Variants in VWDE observed in about 807,000 individuals in gnomAD.
The protein encoded by VWDE is von Willebrand factor D and EGF domains.
In VWDE, 207 loss-of-function variants were observed where a neutral mutation model predicts 178.4. The ratio of observed to expected loss-of-function variants is 1.16; its 90% CI spans 1.04 to 1.30. The LOEUF is 1.30. VWDE is among the 50% of genes most tolerant of loss of function. The pLI is 0.00. For synonymous variants in VWDE, 738 were observed against 651.4 expected (o/e 1.13, Z -2.02); for missense variants, 2,287 against 1,901.3 (o/e 1.20, Z -3.77).
Position 12,403,657 on chromosome 7 carries a change from A to G in VWDE, c.58+2T>C, listed in dbSNP as rs1443286049. The G allele has an allele frequency of 6.5e-7, 1 of 1,542,796 alleles. No individual in the cohort carries two copies. The stretch of plus-strand genomic sequence containing the variant: ...CACCCCCGCGCGCCCTACCTCGCTT[A>G]CCTTCCCCCCAGGCCAGGAACATCA... On this transcript the variant is annotated splice_donor_variant, in intron 1 of 28. Transcript: ENST00000275358. LOFTEE classifies it high-confidence loss of function.
intron 3 of VWDE, among the ~76,000 whole-genome samples, chr7:12,388,256 A>G (rs1784203418): frequency 6.6e-6 from 1 of 152,158 alleles, no homozygotes; most frequent in Non-Finnish European, 1.5e-5. Flanking sequence ...GAGTACTACA[A>G]AAGAGAAGTG....
chr7:12,336,009 A>T (rs1011656221), intron 27 of VWDE, 132 bp downstream of exon 27: 2 of 747,456 alleles, frequency 2.7e-6, no homozygotes, highest in Middle Eastern at 3.3e-4. Context: ...TTATATCTAA[A>T]ATCATTTTTT....
At position 12,344,409 on chromosome 7, in the gene VWDE, C is replaced by T. The variant is rs1781494186; in HGVS notation, c.3947G>A (p.Cys1316Tyr). 4 of 1,550,852 alleles carry T rather than the reference C, an allele frequency of 2.6e-6. No individual in the cohort carries two copies. In the South Asian group the frequency reaches 3.6e-5, roughly 14 times the overall value. ...GTTAGAACCAATGTAACCAGGTTTA[C>T]ATTTGCAGATGTTTGGGGCAACACA... is the stretch of plus-strand genomic sequence containing the variant. ...RECVAPNICK[C>Y]KPGYIGSNCQ... Residue 1316 changes from cysteine to tyrosine, a missense_variant, in exon 20 of 29, where the codon TGT becomes TAT. By Grantham distance (194) the Cys-to-Tyr change is radical. Transcript: ENST00000275358.
intron 1 of VWDE, among the ~76,000 whole-genome samples, chr7:12,398,784 A>C (rs1264566399): frequency 6.6e-6 from 1 of 151,580 alleles, no homozygotes; most frequent in Non-Finnish European, 1.5e-5. Flanking sequence ...AAACAAATTA[A>C]TGCAGAAACA....
intron 10 of VWDE, among the ~76,000 whole-genome samples, chr7:12,372,531 G>A (rs1280575842): frequency 6.6e-6 from 1 of 151,890 alleles, no homozygotes; most frequent in Non-Finnish European, 1.5e-5. Context: ...AGCCTGCCAG[G>A]AGTAAAGGAA....
At chr7:12,392,429 T>C (rs565031681) in intron 2 of VWDE, among the ~76,000 whole-genome samples, 3 of 152,240 alleles carry the variant, frequency 2.0e-5, no homozygotes, top group South Asian at 4.1e-4. Context: ...ATAATAAGAG[T>C]TGAACTGACA....
intron 3 of VWDE, among the ~76,000 whole-genome samples, chr7:12,383,894 G>C (rs942145800): frequency 1.3e-5 from 2 of 152,146 alleles, no homozygotes; most frequent in African/African-American, 4.8e-5. Flanking sequence ...TGGAGCAACA[G>C]GTGCTGGTGA....
intron 12 of VWDE, among the ~76,000 whole-genome samples, chr7:12,368,237 T>TA (rs148684121): frequency 1.7e-4 from 24 of 143,466 alleles, no homozygotes; most frequent in Non-Finnish European, 2.4e-4. Context: ...ATGGGAGGAT[T>TA]AAAAAAAAAA....
intron 4 of VWDE, among the ~76,000 whole-genome samples, chr7:12,381,673 T>G (rs1282387811): frequency 6.6e-6 from 1 of 152,016 alleles, no homozygotes; most frequent in Non-Finnish European, 1.5e-5. Flanking sequence ...CTAAGCATTT[T>G]AAACATTAGA....
chr7:12,339,433 C>A (rs1476888239), intron 24 of VWDE, among the ~76,000 whole-genome samples: 1 of 152,092 alleles, frequency 6.6e-6, no homozygotes, highest in Non-Finnish European at 1.5e-5. Context: ...TTAACTTAGT[C>A]TTTACTTCTT....
chr7:12,402,801 T>C (rs1425548499), intron 1 of VWDE, among the ~76,000 whole-genome samples: 3 of 152,166 alleles, frequency 2.0e-5, no homozygotes, highest in African/African-American at 7.2e-5. Flanking sequence ...CAAACTTACA[T>C]CAGTAAAATG....
intron 19 of VWDE, among the ~76,000 whole-genome samples, chr7:12,349,434 T>A (rs1001863012): frequency 6.6e-6 from 1 of 151,230 alleles, no homozygotes; most frequent in Non-Finnish European, 1.5e-5. Flanking sequence ...TAAAAGAGAC[T>A]ATGAGTTCAT....
At chr7:12,364,877 A>G (rs1253520633) in intron 13 of VWDE, among the ~76,000 whole-genome samples, 1 of 152,150 alleles carries the variant, frequency 6.6e-6, no homozygotes, top group Non-Finnish European at 1.5e-5. Context: ...GATACATGGC[A>G]AAAACCCCTT....
intron 1 of VWDE, among the ~76,000 whole-genome samples, chr7:12,398,307 G>A (rs1784719827): frequency 6.6e-6 from 1 of 152,104 alleles, no homozygotes; most frequent in African/African-American, 2.4e-5. Context: ...GTTTACAACT[G>A]TCTTATCTGA....
chr7:12,374,950 A>T (rs913039051), intron 8 of VWDE, 60 bp downstream of exon 8: 18 of 1,470,388 alleles, frequency 1.2e-5, no homozygotes, highest in Middle Eastern at 2.2e-4. Flanking sequence ...AGACATAATG[A>T]TAAAATACAC....
chr7:12,348,180 T>C (rs1474395702), intron 19 of VWDE, among the ~76,000 whole-genome samples: 2 of 124,366 alleles, frequency 1.6e-5, no homozygotes, highest in African/African-American at 7.4e-5. Flanking sequence ...ACTTCATGTC[T>C]AAAACACCAA....
Position 12,380,511 on chromosome 7 carries a change from C to T in VWDE, c.764G>A (p.Gly255Asp). 6.4e-7 allele frequency: 1 copy of T among 1,551,678 alleles called. No homozygotes were observed. ...VQAFSLLELD[G>D]INLRLGDRIF... is the part of the protein sequence containing the mutation. ...CCTGTCTCCAAGTCTGAGATTTATGCCATCAAGTTCTAAAAGAGAGAATGC... is the reference window on the plus strand; with the variant it reads ...CCTGTCTCCAAGTCTGAGATTTATGTCATCAAGTTCTAAAAGAGAGAATGC... Residue 255 changes from glycine to aspartate, a missense_variant, in exon 5 of 29, where the codon GGC (glycine) becomes GAC (aspartate). Coordinates refer to ENST00000275358, the MANE Select transcript of VWDE (RefSeq NM_001135924.3).
Position 12,370,175 on chromosome 7 carries a change from C to T in VWDE, c.2131G>A (p.Val711Ile), listed in dbSNP as rs1447887801. Residue 711 changes from valine to isoleucine, a missense_variant, in exon 12 of 29, where the codon GTA (valine) becomes ATA (isoleucine). Val to Ile is a conservative substitution (Grantham distance 29, BLOSUM62 3). Coordinates refer to ENST00000275358, the MANE Select transcript of VWDE (RefSeq NM_001135924.3). The stretch of plus-strand genomic sequence containing the variant: ...TTCTCATTTCCAGGATGTTTTTGTA[C>T]ATTTAAGCCGAGTTTAGTCAGGTTT... ...HINLTKLGLN[V>I]QKHPGNEKED... 10 of 1,551,392 alleles carry T rather than the reference C, an allele frequency of 6.4e-6. No homozygotes were observed. Among genetic ancestry groups the T allele is most frequent in the Non-Finnish European group, 8.7e-6 (10 of 1,146,858 alleles).
chr7:12,391,669 A>T (rs1784396900), intron 2 of VWDE, among the ~76,000 whole-genome samples: 1 of 152,226 alleles, frequency 6.6e-6, no homozygotes, highest in Non-Finnish European at 1.5e-5. Flanking sequence ...AACAAAAAAG[A>T]GATAATGAGA....
Sources: gnomAD v4.1 joint callset for allele counts (sites outside exome capture counted in the v4.1 genomes callset) on GRCh38, gnomAD v4.1.1 for gene constraint, MANE v1.5 for transcripts, NCBI Gene and HGNC (gene_info 2026-07-23, HGNC 2026-07-21) for gene names.